Variants in MTMR7 observed in about 807,000 individuals in gnomAD.
MTMR7 encodes phosphatidylinositol-3-phosphate phosphatase MTMR7.
MTMR7 carries 76 observed loss-of-function variants against 81.2 expected under a neutral mutation model. The observed-to-expected ratio is 0.94, with a 90% CI of 0.78 to 1.13. The LOEUF (loss-of-function observed/expected upper bound fraction) is 1.13, where lower values mean the gene tolerates loss of function less well. MTMR7 is among the 50% of genes most tolerant of loss of function. The pLI is 0.00. For synonymous variants in MTMR7, 372 were observed against 289.8 expected, an observed-to-expected ratio of 1.28 and a Z score of -2.88; for missense variants, 1,044 against 820.0, an observed-to-expected ratio of 1.27 and a Z score of -3.34.
chr8:17,400,940 G>C (rs779299246), intron 1 of MTMR7, among the ~76,000 whole-genome samples: 29 of 152,154 alleles, frequency 1.9e-4, no homozygotes, highest in Non-Finnish European at 3.1e-4. Flanking sequence ...AACAGGTCTA[G>C]CAAAAGTTGA....
Position 17,302,143 on chromosome 8 carries a change from G to C in MTMR7, c.1620+11C>G, listed in dbSNP as rs1817158124. On this transcript the variant is annotated intron_variant, in intron 13 of 13. Transcript: ENST00000180173. ...CACAGAAAATAGATTAACAAAGCAA[G>C]TATGTCTTACTTCTTCCAGGGCCTC... 3 of 1,613,878 alleles carry C rather than the reference G, an allele frequency of 1.9e-6. No homozygotes were observed. Among genetic ancestry groups the C allele is most frequent in the Non-Finnish European group, 2.5e-6 (3 of 1,179,942 alleles).
At chr8:17,404,801 T>C (rs1468856788) in intron 1 of MTMR7, among the ~76,000 whole-genome samples, 1 of 151,938 alleles carries the variant, frequency 6.6e-6, no homozygotes, top group Non-Finnish European at 1.5e-5. Context: ...TTGTTGGTGG[T>C]TGGTTTTGTT....
intron 5 of MTMR7, among the ~76,000 whole-genome samples, chr8:17,348,549 C>CAAAAAA (rs10651385): frequency 3.2e-5 from 3 of 94,648 alleles, no homozygotes; most frequent in African/African-American, 1.1e-4. Flanking sequence ...GACTCTGTCT[C>CAAAAAA]AAAAAAAAAA....
chr8:17,386,523 C>T (rs766411365), intron 1 of MTMR7, among the ~76,000 whole-genome samples: 3 of 152,196 alleles, frequency 2.0e-5, no homozygotes, highest in South Asian at 2.1e-4. Flanking sequence ...TTGGATCATA[C>T]GTCTACAAAG....
In MTMR7 at chr8:17,299,747, A is replaced by AAAAT. The variant is rs1374038219; in HGVS notation, c.*114_*115insATTT. 3 of 1,432,256 alleles carry AAAAT rather than the reference A, an allele frequency of 2.1e-6. No individual in the cohort carries two copies. In the African/African-American group the frequency reaches 4.3e-5, roughly 20 times the overall value. 88.7% of individuals were successfully genotyped at this position (1,432,256 alleles called of 1,614,324 possible). A position where few individuals can be genotyped will look rare whatever the true frequency, so the allele number is the denominator to read the frequency against. On this transcript the variant is annotated 3_prime_UTR_variant, in exon 14 of 14. Coordinates refer to ENST00000180173, the MANE Select transcript of MTMR7 (RefSeq NM_004686.5). Reference sequence around the variant, plus strand: ...TTTTTTCCCTTTTCATAGCTGCATTAAAGTAGTTCTCAATGACATGCACCA... The same window carrying AAAAT: ...TTTTTTCCCTTTTCATAGCTGCATTAAAATAAGTAGTTCTCAATGACATGCACCA...
chr8:17,366,324 G>A (rs143893015), intron 3 of MTMR7, among the ~76,000 whole-genome samples: 8 of 152,200 alleles, frequency 5.3e-5, no homozygotes, highest in African/African-American at 1.9e-4. Flanking sequence ...AGAATATTTA[G>A]GATAAATATA....
chr8:17,305,958 C>T lies in MTMR7; in HGVS notation c.1152-1G>A. The T allele has an allele frequency of 6.2e-7, 1 of 1,609,328 alleles. No individual in the cohort carries two copies. The highest frequency in any genetic ancestry group is 8.5e-7 in the Non-Finnish European group (1 of 1,176,976). On this transcript the variant is annotated splice_acceptor_variant, in intron 10 of 13. Transcript: ENST00000180173. LOFTEE classifies it high-confidence loss of function. ...TGGGTCACCATCTAGATTGCCATAT[C>T]TATAAAACAAAGCATTAGAGACTTT...
intron 8 of MTMR7, among the ~76,000 whole-genome samples, chr8:17,312,263 A>T (rs1228442798): frequency 6.6e-6 from 1 of 152,116 alleles, no homozygotes; most frequent in African/African-American, 2.4e-5. Flanking sequence ...CTAAAATTCT[A>T]GTTTTATTAG....
intron 5 of MTMR7, 94 bp from the exon 6 acceptor site, chr8:17,341,591 T>A: frequency 1.4e-6 from 2 of 1,420,716 alleles, no homozygotes; most frequent in Non-Finnish European, 1.9e-6. Context: ...AGCCCTTGGC[T>A]CACTGATAGT....
At chr8:17,400,559 T>C (rs1821397286) in intron 1 of MTMR7, among the ~76,000 whole-genome samples, 1 of 152,198 alleles carries the variant, frequency 6.6e-6, no homozygotes. Flanking sequence ...GGGCTACCTC[T>C]ACATTATCAA....
intron 3 of MTMR7, among the ~76,000 whole-genome samples, chr8:17,366,263 G>A (rs1259868102): frequency 1.3e-5 from 2 of 152,046 alleles, no homozygotes; most frequent in Admixed American, 1.3e-4. Flanking sequence ...AGGGAAGGAA[G>A]GAAAATAACC....
chr8:17,319,217 C>G (rs534350242), intron 7 of MTMR7, among the ~76,000 whole-genome samples: 2 of 152,190 alleles, frequency 1.3e-5, no homozygotes, highest in African/African-American at 4.8e-5. Flanking sequence ...GTAACCTGGG[C>G]TAGTTACTGA....
intron 6 of MTMR7, among the ~76,000 whole-genome samples, chr8:17,333,826 G>A (rs1435477348): frequency 6.6e-6 from 1 of 152,084 alleles, no homozygotes; most frequent in African/African-American, 2.4e-5. Flanking sequence ...TCCAGCCTAG[G>A]TGACAGAGCA....
In MTMR7 at chr8:17,384,291, G is replaced by C. The variant is rs563467006; in HGVS notation, c.25-11051C>G. Among the ~76,000 whole-genome samples the C allele has an allele frequency of 1.0e-3, 159 of 152,162 alleles. 2 individuals carry two copies. The highest frequency in any genetic ancestry group is 3.5e-3 in the African/African-American group (147 of 41,526). On this transcript the variant is annotated intron_variant, in intron 1 of 13. Coordinates refer to ENST00000180173, the MANE Select transcript of MTMR7 (RefSeq NM_004686.5). ...CTAGGCATAGTGGCAGGCACCTGTA[G>C]GCCCAGCTACTTAGGAGGCTGAAGT... is the stretch of plus-strand genomic sequence containing the variant.
chr8:17,325,378 G>A (rs771801179), intron 7 of MTMR7, among the ~76,000 whole-genome samples: 29 of 152,272 alleles, frequency 1.9e-4, no homozygotes, highest in African/African-American at 5.8e-4. Context: ...AAACCTTTGC[G>A]TGGAAGAACA....
chr8:17,366,658 G>A (rs1013096988), intron 3 of MTMR7, among the ~76,000 whole-genome samples: 6 of 152,178 alleles, frequency 3.9e-5, no homozygotes, highest in Middle Eastern at 3.4e-3. Flanking sequence ...AGGCCGAGGC[G>A]GGCGGATCAT....
chr8:17,376,038 C>A (rs1373183122), intron 1 of MTMR7, among the ~76,000 whole-genome samples: 1 of 152,122 alleles, frequency 6.6e-6, no homozygotes, highest in Non-Finnish European at 1.5e-5. Flanking sequence ...TTCATCACCG[C>A]AAAAAGAAAT....
rs73666137 is a variant in MTMR7 at position 17,400,271 on chromosome 8, G to A, written c.24+12998C>T. On this transcript the variant is annotated intron_variant, in intron 1 of 13. Transcript: ENST00000180173. Reference sequence around the variant, plus strand: ...ATTCTAGATTCACATTTATTAAGACGCTTAGACCTCAAAATCACCCTAAGA... The same window carrying A: ...ATTCTAGATTCACATTTATTAAGACACTTAGACCTCAAAATCACCCTAAGA... Among the ~76,000 whole-genome samples, 986 of 152,238 alleles carry A rather than the reference G, an allele frequency of 6.5e-3. 12 individuals are homozygous for A. The highest frequency in any genetic ancestry group is 0.023 in the African/African-American group (942 of 41,538).
intron 13 of MTMR7, among the ~76,000 whole-genome samples, chr8:17,300,948 G>A (rs1817069937): frequency 6.6e-6 from 1 of 152,220 alleles, no homozygotes; most frequent in Non-Finnish European, 1.5e-5. Flanking sequence ...CATGTATCAA[G>A]TACTTCATTC....
Sources: allele counts gnomAD v4.1 joint callset (sites outside exome capture counted in the v4.1 genomes callset), GRCh38; gene constraint gnomAD v4.1.1; transcripts MANE v1.5; gene names NCBI Gene and HGNC (gene_info 2026-07-23, HGNC 2026-07-21).